Variants in ACTR3 observed in about 807,000 individuals in gnomAD.
ACTR3 encodes the protein actin related protein 3.
Under a neutral mutation model 56.8 loss-of-function variants are expected in ACTR3, and 12 were observed. The ratio of observed to expected loss-of-function variants is 0.21; its 90% CI spans 0.14 to 0.34. The LOEUF (loss-of-function observed/expected upper bound fraction) is 0.34, where lower values mean the gene tolerates loss of function less well. ACTR3 is among the 10% of genes least tolerant of loss of function. The pLI is 1.00. For synonymous variants in ACTR3, 162 were observed against 167.4 expected (o/e 0.97, Z 0.25); for missense variants, 282 against 512.5 (o/e 0.55, Z 4.34).
At chr2:113,905,721 C>T (rs1451477505) in intron 1 of ACTR3, among the ~76,000 whole-genome samples, 1 of 152,120 alleles carries the variant, frequency 6.6e-6, no homozygotes, top group Non-Finnish European at 1.5e-5. Context: ...TTTGACTTTT[C>T]TAGGTACCTT....
At chr2:113,907,687 T>C (rs1679220149) in intron 1 of ACTR3, among the ~76,000 whole-genome samples, 1 of 152,156 alleles carries the variant, frequency 6.6e-6, no homozygotes, top group South Asian at 2.1e-4. Context: ...AAAAGTGGGT[T>C]GTTGGCCACG....
intron 1 of ACTR3, among the ~76,000 whole-genome samples, chr2:113,902,282 T>A (rs927631831): frequency 3.9e-5 from 6 of 152,118 alleles, no homozygotes; most frequent in Non-Finnish European, 8.8e-5. Flanking sequence ...CTATTATTCT[T>A]CTAGTCACCA....
At chr2:113,953,887 C>T (rs1029519982) in intron 10 of ACTR3, 36 of 152,158 alleles carry the variant, frequency 2.4e-4, no homozygotes, top group African/African-American at 8.0e-4. Flanking sequence ...AAACAAAATA[C>T]CTTCTTCCCC....
intron 5 of ACTR3, among the ~76,000 whole-genome samples, 157 bp downstream of exon 5, chr2:113,931,553 A>G (rs1255760350): frequency 1.3e-5 from 2 of 151,916 alleles, no homozygotes; most frequent in East Asian, 1.9e-4. Context: ...TAGAAGTAAT[A>G]TTATGGGAAG....
intron 3 of ACTR3, among the ~76,000 whole-genome samples, chr2:113,925,114 C>T (rs899698303): frequency 4.6e-5 from 7 of 151,122 alleles, no homozygotes; most frequent in African/African-American, 1.7e-4. Flanking sequence ...CCAGGCTGGT[C>T]TTGAACTCCT....
In ACTR3 at chr2:113,928,602, T is replaced by G. The variant is rs577614057; in HGVS notation, c.336+1147T>G. Among the ~76,000 whole-genome samples, 14 of 152,332 alleles carry G rather than the reference T, an allele frequency of 9.2e-5. No homozygotes were observed. The South Asian group carries it at 2.9e-3, about 32-fold the overall frequency. ...CCTGAGGAAACTTAATGAGAACTTT[T>G]TATACAATGGTCCCTGTCACAGCTA... On this transcript the variant is annotated intron_variant, in intron 4 of 11. Coordinates refer to ENST00000263238, the MANE Select transcript of ACTR3 (RefSeq NM_005721.5).
At chr2:113,914,614 CAAA>C (rs55784117) in intron 2 of ACTR3, among the ~76,000 whole-genome samples, 3 of 69,216 alleles carry the variant, frequency 4.3e-5, no homozygotes, top group East Asian at 3.4e-4. Context: ...GACTCAGTCT[CAAA>C]AAAAAAAAAA....
intron 2 of ACTR3, among the ~76,000 whole-genome samples, chr2:113,915,341 G>GCGTCTTTA (rs1364379315): frequency 5.3e-5 from 8 of 152,120 alleles, no homozygotes; most frequent in African/African-American, 7.2e-5. Flanking sequence ...TTCTTAATGT[G>GCGTCTTTA]CGTCTTTACA....
chr2:113,904,980 A>G (rs1679167401), intron 1 of ACTR3: 1 of 151,384 alleles, frequency 6.6e-6, no homozygotes, highest in Non-Finnish European at 1.5e-5. Flanking sequence ...TTGTGTAGAT[A>G]ATTTTTCTCT....
chr2:113,890,621 A>C, intron 1 of ACTR3: 1 of 1,278,186 alleles, frequency 7.8e-7, no homozygotes, highest in East Asian at 3.4e-5. Context: ...GCGCCGCCCA[A>C]AGGGCGCTGG....
intron 10 of ACTR3, 162 bp downstream of exon 10, chr2:113,952,007 G>C: frequency 1.1e-6 from 1 of 912,802 alleles, no homozygotes; most frequent in Non-Finnish European, 1.6e-6. Flanking sequence ...TGATATTCTG[G>C]ATCATTTGAT....
At position 113,961,640 on chromosome 2, in the gene ACTR3, A is replaced by G. The variant is rs1018145532; in HGVS notation, c.*4185A>G. On this transcript the variant is annotated 3_prime_UTR_variant, in exon 12 of 12. Coordinates refer to ENST00000263238, the MANE Select transcript of ACTR3 (RefSeq NM_005721.5). ...GTTTTGAGCCTTCAATCCCAGAAGCATTGATTGACTGTCTACTGTGGTTCA... is the reference window on the plus strand; with the variant it reads ...GTTTTGAGCCTTCAATCCCAGAAGCGTTGATTGACTGTCTACTGTGGTTCA... 1 of 151,980 alleles carries G rather than the reference A, an allele frequency of 6.6e-6. No individual in the cohort carries two copies. Among genetic ancestry groups the G allele is most frequent in the South Asian group, 2.1e-4 (1 of 4,834 alleles). 9.4% of individuals were successfully genotyped at this position (151,980 alleles called of 1,614,324 possible).
At chr2:113,890,371 A>C (rs1323816617) in intron 1 of ACTR3, 48 bp downstream of exon 1, 2 of 1,358,132 alleles carry the variant, frequency 1.5e-6, no homozygotes, top group Non-Finnish European at 2.0e-6. Context: ...CGGAGGAAGG[A>C]AGATGGCGGG....
intron 6 of ACTR3, among the ~76,000 whole-genome samples, chr2:113,938,382 C>T (rs1378787491): frequency 1.3e-5 from 2 of 152,116 alleles, no homozygotes; most frequent in Non-Finnish European, 2.9e-5. Flanking sequence ...GCACTCTATA[C>T]ATTGTTGTGT....
At chr2:113,934,232 G>GTTTTTTTTTTTTTTTTTTTTTTC in intron 5 of ACTR3, 47 bp from the exon 6 acceptor site, 1 of 954,518 alleles carries the variant, frequency 1.0e-6, no homozygotes, top group Non-Finnish European at 1.5e-6. Context: ...TTGTTTTTTT[G>GTTTTTTTTTTTTTTTTTTTTTTC]TTTTTTTTTT....
At chr2:113,908,069 CAT>C (rs1679232480) in intron 1 of ACTR3, among the ~76,000 whole-genome samples, 1 of 146,850 alleles carries the variant, frequency 6.8e-6, no homozygotes, top group Non-Finnish European at 1.5e-5. Flanking sequence ...GAGCAACAAA[CAT>C]GTATATATGC....
chr2:113,934,218 C>G, intron 5 of ACTR3, 61 bp from the exon 6 acceptor site: 3 of 1,076,544 alleles, frequency 2.8e-6, no homozygotes, highest in South Asian at 1.5e-5. Context: ...TTTCGATTAA[C>G]TCTTTGTTTT....
rs150090591 is a variant in ACTR3 at position 113,933,154 on chromosome 2, T to C, written c.433-1125T>C. Among the ~76,000 whole-genome samples the C allele has an allele frequency of 6.9e-3, 1,056 of 152,264 alleles. 16 individuals carry two copies. The highest frequency in any genetic ancestry group is 0.025 in the African/African-American group (1,020 of 41,546). ...CTCCATAATTAAATCATAGTAGTAT[T>C]TGGAGGTGTGCGATGGCGTTTTCTG... On this transcript the variant is annotated intron_variant, in intron 5 of 11. Transcript: ENST00000263238.
chr2:113,908,139 A>G (rs1386362870), intron 1 of ACTR3, among the ~76,000 whole-genome samples: 1 of 152,022 alleles, frequency 6.6e-6, no homozygotes, highest in Non-Finnish European at 1.5e-5. Flanking sequence ...TTACAAAAAT[A>G]TTTGAACTTT....
Sources: gnomAD v4.1 joint callset for allele counts (sites outside exome capture counted in the v4.1 genomes callset) on GRCh38, gnomAD v4.1.1 for gene constraint, MANE v1.5 for transcripts, NCBI Gene and HGNC (gene_info 2026-07-23, HGNC 2026-07-21) for gene names.